Variants in CAST observed in about 807,000 individuals in gnomAD.
CAST encodes calpastatin.
Under a neutral mutation model 119.6 loss-of-function variants are expected in CAST, and 76 were observed. That is an observed-to-expected ratio of 0.64 (90% CI 0.53 to 0.77). The LOEUF (loss-of-function observed/expected upper bound fraction) is 0.77. CAST is among the 30% of genes least tolerant of loss of function. The pLI, the probability that CAST is intolerant of heterozygous loss-of-function variation, is 0.00. For missense variants in CAST, 953 were observed against 946.5 expected (o/e 1.01, Z -0.09); for synonymous variants, 319 against 331.6 (o/e 0.96, Z 0.41).
chr5:96,090,280 G>T, the CAST span, among the ~76,000 whole-genome samples: 33 of 152,246 alleles, frequency 2.2e-4, 1 homozygote, highest in South Asian at 3.1e-3. Flanking sequence ...CTGACTGAAG[G>T]TTCTATGGCT....
chr5:96,393,497 G>T, the CAST span: 1 of 1,214,056 alleles, frequency 8.2e-7, no homozygotes, highest in Non-Finnish European at 1.2e-6. Flanking sequence ...GAGGGGAGGG[G>T]AGAGAGTTCA....
the CAST span, among the ~76,000 whole-genome samples, chr5:96,219,750 C>A: frequency 2.1e-5 from 3 of 143,562 alleles, no homozygotes; most frequent in Admixed American, 7.1e-5. Context: ...GGAAGGAAGG[C>A]AGGCAGGCAG....
chr5:96,611,802 C>CA (rs1288098073), intron 1 of CAST, among the ~76,000 whole-genome samples: 1 of 151,914 alleles, frequency 6.6e-6, no homozygotes. Context: ...AGACACTTCT[C>CA]AAAAAAAGAC....
chr5:96,523,241 G>T (rs1745545521), upstream of CAST, among the ~76,000 whole-genome samples: 1 of 152,186 alleles, frequency 6.6e-6, no homozygotes, highest in Admixed American at 6.5e-5. Context: ...CTGCTGACTG[G>T]TCCTAGAGCC....
chr5:96,756,248 G>A (rs1203407038), intron 22 of CAST, among the ~76,000 whole-genome samples: 2 of 152,118 alleles, frequency 1.3e-5, no homozygotes, highest in Non-Finnish European at 2.9e-5. Flanking sequence ...ATGGAAAATC[G>A]ATTTCAGTTT....
chr5:96,239,748 T>C, the CAST span, among the ~76,000 whole-genome samples: 1 of 152,126 alleles, frequency 6.6e-6, no homozygotes, highest in South Asian at 2.1e-4. Context: ...TATAATATTA[T>C]TTCTCTCATC....
At chr5:96,649,414 G>A (rs555408416) in intron 1 of CAST, among the ~76,000 whole-genome samples, 6 of 152,110 alleles carry the variant, frequency 3.9e-5, no homozygotes, top group Non-Finnish European at 7.4e-5. Context: ...CACATAAGTC[G>A]AATAATGAGA....
rs73774313 is a variant in CAST, at chr5:96,585,631, G to A, written c.60+55751G>A. Among the ~76,000 whole-genome samples, 767 of 152,268 alleles carry A rather than the reference G, an allele frequency of 5.0e-3. 7 individuals carry two copies. The highest frequency in any genetic ancestry group is 0.018 in the African/African-American group (737 of 41,548). On this transcript the variant is annotated intron_variant, in intron 1 of 11. Coordinates refer to the CAST transcript ENST00000505143. ...ACACATCTATGATTAACTGCACCCAGCATTCTCTTGCTGGCAAAAGCATTA... is the reference window on the plus strand; with the variant it reads ...ACACATCTATGATTAACTGCACCCAACATTCTCTTGCTGGCAAAAGCATTA...
chr5:96,487,762 T>G, the CAST span, among the ~76,000 whole-genome samples: 1 of 152,224 alleles, frequency 6.6e-6, no homozygotes, highest in Admixed American at 6.5e-5. Context: ...ATCCAAAATT[T>G]TATTCTGGAG....
chr5:96,321,581 G>A, the CAST span, among the ~76,000 whole-genome samples: 4 of 151,958 alleles, frequency 2.6e-5, no homozygotes, highest in Non-Finnish European at 5.9e-5. Context: ...AAGATTATTG[G>A]GCCATTAATT....
At chr5:96,148,808 A>G in the CAST span, among the ~76,000 whole-genome samples, 2 of 152,252 alleles carry the variant, frequency 1.3e-5, no homozygotes, top group Non-Finnish European at 2.9e-5. Context: ...GGAAGACTGT[A>G]TAACAGTGGA....
chr5:96,518,394 G>A, the CAST span, among the ~76,000 whole-genome samples: 1 of 152,198 alleles, frequency 6.6e-6, no homozygotes, highest in Non-Finnish European at 1.5e-5. Flanking sequence ...GGGAGGGTGA[G>A]AGACTCGTGC....
intron 1 of CAST, among the ~76,000 whole-genome samples, chr5:96,576,697 ATGT>A (rs930793598): frequency 2.3e-4 from 35 of 151,932 alleles, no homozygotes; most frequent in African/African-American, 8.5e-4. Flanking sequence ...TTTTTTTTAA[ATGT>A]TGTAGGGCTA....
the CAST span, among the ~76,000 whole-genome samples, chr5:96,337,517 G>A: frequency 3.4e-4 from 51 of 152,162 alleles, 1 homozygote; most frequent in African/African-American, 1.1e-3. Context: ...GTAAGATGCC[G>A]CAAAGCTCAG....
the CAST span, among the ~76,000 whole-genome samples, chr5:96,291,726 C>T: frequency 1.3e-5 from 2 of 152,014 alleles, no homozygotes; most frequent in African/African-American, 4.8e-5. Context: ...GTTTCTTCTG[C>T]TTAGGCTTAT....
chr5:96,375,415 G>GGT, the CAST span, among the ~76,000 whole-genome samples: 424 of 149,410 alleles, frequency 2.8e-3, 3 homozygotes, highest in Non-Finnish European at 4.8e-3. Flanking sequence ...TTTGCTTTTT[G>GGT]GTGTGTGTGT....
At chr5:96,768,246 G>A (rs1417147767) in intron 29 of CAST, 1 of 474,028 alleles carries the variant, frequency 2.1e-6, no homozygotes, top group Admixed American at 3.4e-5. Flanking sequence ...ACCACACCCA[G>A]CTAATTTTTG....
At chr5:96,571,557 C>G (rs1237217947) in intron 1 of CAST, among the ~76,000 whole-genome samples, 1 of 152,158 alleles carries the variant, frequency 6.6e-6, no homozygotes, top group African/African-American at 2.4e-5. Context: ...GTTAACTGAA[C>G]CGACCATTGA....
the CAST span, chr5:96,412,521 AG>A: frequency 6.3e-7 from 1 of 1,596,026 alleles, no homozygotes; most frequent in Non-Finnish European, 8.6e-7. Context: ...AGACACACAA[AG>A]GTTGATGTCA....
Sources: allele counts gnomAD v4.1 joint callset (sites outside exome capture counted in the v4.1 genomes callset), GRCh38; gene constraint gnomAD v4.1.1; transcripts MANE v1.5; gene names NCBI Gene and HGNC (gene_info 2026-07-23, HGNC 2026-07-21).